The following SLC8A1 variants were observed in gnomAD, a reference collection of about 807,000 sequenced individuals.
SLC8A1 encodes solute carrier family 8 member A1.
Under a neutral mutation model 68.3 loss-of-function variants are expected in SLC8A1, and 18 were observed. The ratio of observed to expected loss-of-function variants is 0.26; its 90% CI spans 0.18 to 0.39. The LOEUF is 0.39. Ranked by LOEUF, SLC8A1 falls within the 10% of genes least tolerant of loss-of-function variation. SLC8A1 has a pLI of 1.00. For synonymous variants in SLC8A1, 475 were observed against 415.5 expected, an observed-to-expected ratio of 1.14 and a Z score of -1.74; for missense variants, 985 against 1,156.7, an observed-to-expected ratio of 0.85 and a Z score of 2.15.
intron 2 of SLC8A1, among the ~76,000 whole-genome samples, chr2:40,312,112 A>G (rs2073789844): frequency 6.6e-6 from 1 of 152,142 alleles, no homozygotes; most frequent in African/African-American, 2.4e-5. Flanking sequence ...CAGGCTGACT[A>G]CATTGTATTT....
At chr2:40,120,642 T>G (rs1176804397) in intron 7 of SLC8A1, 2 of 152,238 alleles carry the variant, frequency 1.3e-5, no homozygotes, top group African/African-American at 4.8e-5. Flanking sequence ...AATAATTAAC[T>G]GATGATTATA....
At chr2:40,239,125 A>T (rs1485808668) in intron 2 of SLC8A1, among the ~76,000 whole-genome samples, 2 of 152,188 alleles carry the variant, frequency 1.3e-5, no homozygotes, top group African/African-American at 4.8e-5. Flanking sequence ...TGACTACATC[A>T]TACCATAGTA....
chr2:40,455,581 G>A (rs980243419), upstream of SLC8A1, among the ~76,000 whole-genome samples: 14 of 152,182 alleles, frequency 9.2e-5, no homozygotes, highest in African/African-American at 3.4e-4. Flanking sequence ...CCTGGCCAGT[G>A]AGTGGAGCTT....
In SLC8A1 at chr2:40,449,911, A is replaced by G. The variant is rs191463730; in HGVS notation, c.-25+1993T>C. 2.4e-3 allele frequency among the ~76,000 whole-genome samples: 362 copies of G among 152,306 alleles called. 1 individual carries two copies. Among genetic ancestry groups the G allele is most frequent in the African/African-American group, 7.2e-3 (298 of 41,568 alleles). On this transcript the variant is annotated intron_variant, in intron 1 of 7. Transcript: ENST00000406785. ...ATCATTTTTTTAAAAAAAGACAACAACCATTTTAAGGGGACAAAATCAGGG... is the reference window on the plus strand; with the variant it reads ...ATCATTTTTTTAAAAAAAGACAACAGCCATTTTAAGGGGACAAAATCAGGG...
intron 2 of SLC8A1, among the ~76,000 whole-genome samples, chr2:40,404,602 G>C (rs1689755354): frequency 6.6e-6 from 1 of 152,168 alleles, no homozygotes; most frequent in Admixed American, 6.5e-5. Context: ...TCCATGTGCT[G>C]TATTTATTAA....
chr2:40,152,571 ATT>A (rs70957149), intron 6 of SLC8A1, among the ~76,000 whole-genome samples: 6 of 140,178 alleles, frequency 4.3e-5, no homozygotes, highest in Admixed American at 7.2e-5. Context: ...CGCCTAGCTA[ATT>A]TTTTTTTTTT....
intron 1 of SLC8A1, among the ~76,000 whole-genome samples, chr2:40,467,045 G>A (rs1163492115): frequency 6.6e-6 from 1 of 151,732 alleles, no homozygotes; most frequent in Non-Finnish European, 1.5e-5. Context: ...TAATTTGAGA[G>A]TGAAATCCCA....
intron 2 of SLC8A1, among the ~76,000 whole-genome samples, chr2:40,331,428 A>G (rs974691704): frequency 2.0e-5 from 3 of 152,096 alleles, no homozygotes; most frequent in Admixed American, 2.0e-4. Context: ...ACCCACTTTA[A>G]TGTATATGCA....
intron 2 of SLC8A1, among the ~76,000 whole-genome samples, chr2:40,262,514 A>G (rs932396453): frequency 7.2e-5 from 11 of 152,218 alleles, no homozygotes; most frequent in African/African-American, 2.2e-4. Context: ...GCGAAATTCT[A>G]ACATTTCTAG....
chr2:40,384,760 C>A (rs1188894478), intron 2 of SLC8A1, among the ~76,000 whole-genome samples: 3 of 152,132 alleles, frequency 2.0e-5, no homozygotes, highest in Non-Finnish European at 4.4e-5. Context: ...CCTAATTTCT[C>A]ATTACTTTCA....
At chr2:40,140,977 T>A (rs2148296037) in intron 6 of SLC8A1, among the ~76,000 whole-genome samples, 1 of 152,370 alleles carries the variant, frequency 6.6e-6, no homozygotes, top group South Asian at 2.1e-4. Context: ...TAATGCCCAT[T>A]GACATGTTTT....
intron 5 of SLC8A1, among the ~76,000 whole-genome samples, chr2:40,164,575 C>G (rs2046232705): frequency 1.3e-5 from 2 of 152,170 alleles, no homozygotes; most frequent in East Asian, 3.9e-4. Flanking sequence ...CTTGCTGCCC[C>G]TCAGATTAAA....
Position 40,225,115 on chromosome 2 carries a change from C to A in SLC8A1, c.1809-47260G>T, listed in dbSNP as rs547238625. Reference sequence around the variant, plus strand: ...GTAACTATAGGACTTCCAACTGTATCCCACTTTATCCTCTGAGTGATTGGT... The same window carrying A: ...GTAACTATAGGACTTCCAACTGTATACCACTTTATCCTCTGAGTGATTGGT... On this transcript the variant is annotated intron_variant, in intron 2 of 7. Transcript: ENST00000406785. Among the ~76,000 whole-genome samples the A allele has an allele frequency of 9.2e-5, 14 of 152,178 alleles. No individual in the cohort carries two copies. The South Asian group carries it at 2.9e-3, about 32-fold the overall frequency.
intron 2 of SLC8A1, among the ~76,000 whole-genome samples, chr2:40,409,442 G>A (rs1691429607): frequency 1.3e-5 from 2 of 152,000 alleles, no homozygotes; most frequent in Non-Finnish European, 2.9e-5. Context: ...GCAAGCTTCT[G>A]GACAGAAATA....
chr2:40,157,698 C>G (rs1045121999), intron 6 of SLC8A1, among the ~76,000 whole-genome samples: 4 of 152,188 alleles, frequency 2.6e-5, no homozygotes, highest in African/African-American at 9.6e-5. Context: ...AGGGCATATG[C>G]TGGCACACTT....
At chr2:40,383,867 G>C (rs776886453) in intron 2 of SLC8A1, among the ~76,000 whole-genome samples, 1 of 152,068 alleles carries the variant, frequency 6.6e-6, no homozygotes, top group African/African-American at 2.4e-5. Context: ...AGAAATTTTA[G>C]AGATACAATG....
intron 2 of SLC8A1, among the ~76,000 whole-genome samples, chr2:40,259,077 T>C (rs907329658): frequency 6.6e-6 from 1 of 152,154 alleles, no homozygotes; most frequent in African/African-American, 2.4e-5. Flanking sequence ...GAGGTGTTAC[T>C]ATTAGTACTT....
chr2:40,210,366 C>G (rs1027212616), intron 2 of SLC8A1, among the ~76,000 whole-genome samples: 2 of 152,112 alleles, frequency 1.3e-5, no homozygotes, highest in African/African-American at 4.8e-5. Context: ...CATTTGGGCT[C>G]AAGGTCTTAA....
chr2:40,276,417 C>T (rs973653477), intron 2 of SLC8A1, among the ~76,000 whole-genome samples: 7 of 152,120 alleles, frequency 4.6e-5, no homozygotes, highest in Admixed American at 2.0e-4. Flanking sequence ...CAAGCAAGCC[C>T]CAAAGGGTGT....
Sources: gnomAD v4.1 joint callset for allele counts (sites outside exome capture counted in the v4.1 genomes callset) on GRCh38, gnomAD v4.1.1 for gene constraint, MANE v1.5 for transcripts, NCBI Gene and HGNC (gene_info 2026-07-23, HGNC 2026-07-21) for gene names.